The following GCC2 variants were observed in gnomAD, a reference collection of about 807,000 sequenced individuals.
GCC2 encodes GRIP and coiled-coil domain-containing protein 2.
In GCC2, 120 loss-of-function variants were observed where a neutral mutation model predicts 210.6. The observed-to-expected ratio is 0.57, with a 90% CI of 0.49 to 0.66. GCC2 has a LOEUF of 0.66. GCC2 is among the 30% of genes least tolerant of loss of function. The pLI is 0.00. For missense variants in GCC2, 1,868 were observed against 1,871.9 expected (o/e 1.00, Z 0.04); for synonymous variants, 703 against 652.7 (o/e 1.08, Z -1.17).
At chr2:108,481,849 A>C (rs776047247) in intron 10 of GCC2, 33 bp downstream of exon 10, 1 of 1,440,110 alleles carries the variant, frequency 6.9e-7, no homozygotes, top group East Asian at 2.3e-5. Context: ...AATGAAAACT[A>C]TAACAGGTAT....
intron 16 of GCC2, 150 bp downstream of exon 16, chr2:108,486,798 C>A: frequency 1.8e-6 from 1 of 546,380 alleles, no homozygotes; most frequent in Non-Finnish European, 2.9e-6. Flanking sequence ...CTGGCTTTAA[C>A]CCCAATCCCA....
chr2:108,496,918 T>G (rs1179966135), intron 20 of GCC2, 52 bp from the exon 21 acceptor site: 1 of 1,607,784 alleles, frequency 6.2e-7, no homozygotes, highest in Non-Finnish European at 8.5e-7. Flanking sequence ...TTTAGAATCT[T>G]CATCTTTAAT....
chr2:108,495,259 C>G (rs1682591322), intron 19 of GCC2, 32 bp from the exon 20 acceptor site: 1 of 1,434,740 alleles, frequency 7.0e-7, no homozygotes, highest in Non-Finnish European at 9.6e-7. Flanking sequence ...TTTGAACAAT[C>G]TCACACTTAA....
intron 4 of GCC2, among the ~76,000 whole-genome samples, chr2:108,465,931 C>T (rs1680858342): frequency 6.6e-6 from 1 of 152,090 alleles, no homozygotes; most frequent in South Asian, 2.1e-4. Flanking sequence ...CTCGGCTCAC[C>T]GCAACCTCTG....
rs1682508791 is a variant in GCC2, at chr2:108,493,583, T to C, written c.4447+793T>C. The C allele has an allele frequency of 3.0e-6, 3 of 985,352 alleles. No homozygotes were observed. The African/African-American group carries it at 5.2e-5, about 17-fold the overall frequency. The allele number at this position is 985,352 out of a possible 1,614,324, so 61.0% of individuals were successfully genotyped here. On this transcript the variant is annotated intron_variant, in intron 19 of 22. Transcript: ENST00000309863. ...TCACATTTACAATTAGTTGGAGTTT[T>C]AGTTCAGCCACACCCAGTATCTTCC... is the stretch of plus-strand genomic sequence containing the variant.
In GCC2 at chr2:108,476,341, C is replaced by T. The variant is rs144110610; in HGVS notation, c.3060+491C>T. 3.7e-3 allele frequency among the ~76,000 whole-genome samples: 566 copies of T among 152,002 alleles called. 4 individuals carry two copies. Among genetic ancestry groups the T allele is most frequent in the African/African-American group, 0.013 (534 of 41,482 alleles). ...CCAAAGTGCTGGGATTACAGGCATG[C>T]GCCACCACACCTGGCCTAAATAGTG... On this transcript the variant is annotated intron_variant, in intron 9 of 22. Coordinates refer to ENST00000309863, the MANE Select transcript of GCC2 (RefSeq NM_181453.4).
In GCC2 at chr2:108,485,819, C is replaced by G; in HGVS notation, c.3715-12C>G. On this transcript the variant is annotated splice_polypyrimidine_tract_variant and intron_variant, in intron 14 of 22. Transcript: ENST00000309863. The stretch of plus-strand genomic sequence containing the variant: ...CATTAAAAAAAATTTAACCAAGATT[C>G]TCATTCTATAGGAAACTGATCACTT... 6.5e-7 allele frequency: 1 copy of G among 1,536,578 alleles called. No individual in the cohort carries two copies. The highest frequency in any genetic ancestry group is 8.8e-7 in the Non-Finnish European group (1 of 1,131,186).
At chr2:108,493,340 G>A (rs1335397675) in intron 19 of GCC2, 6 of 818,420 alleles carry the variant, frequency 7.3e-6, no homozygotes, top group African/African-American at 1.9e-5. Context: ...CACCCGCCTC[G>A]GCCTCCCAAA....
At chr2:108,497,164 C>T in intron 21 of GCC2, 55 bp downstream of exon 21, 1 of 1,610,916 alleles carries the variant, frequency 6.2e-7, no homozygotes, top group South Asian at 1.1e-5. Context: ...TTTCTTGACC[C>T]TCCATACACA....
chr2:108,461,998 A>AT (rs1680613875), intron 4 of GCC2, among the ~76,000 whole-genome samples: 1 of 111,440 alleles, frequency 9.0e-6, no homozygotes, highest in Non-Finnish European at 1.9e-5. Flanking sequence ...GCCCCCAGCT[A>AT]ATTTTTTTTT....
chr2:108,478,938 A>G (rs974954415), intron 9 of GCC2, among the ~76,000 whole-genome samples: 9 of 152,164 alleles, frequency 5.9e-5, no homozygotes, highest in Non-Finnish European at 1.0e-4. Flanking sequence ...ATAAACATAG[A>G]AAAACATACT....
At chr2:108,502,412 A>G (rs1010662954) in intron 22 of GCC2, among the ~76,000 whole-genome samples, 5 of 152,212 alleles carry the variant, frequency 3.3e-5, no homozygotes, top group Non-Finnish European at 5.9e-5. Context: ...GATATTTTTA[A>G]AGAATTTCAT....
chr2:108,491,370 C>T (rs1401744664), intron 18 of GCC2, among the ~76,000 whole-genome samples: 4 of 152,214 alleles, frequency 2.6e-5, no homozygotes, highest in East Asian at 1.9e-4. Flanking sequence ...TTGTAACCTC[C>T]GATGGTTCTT....
At chr2:108,478,740 G>T (rs1396047150) in intron 9 of GCC2, among the ~76,000 whole-genome samples, 1 of 152,192 alleles carries the variant, frequency 6.6e-6, no homozygotes, top group Non-Finnish European at 1.5e-5. Flanking sequence ...ATTGACAGCA[G>T]TTGGAACCAG....
intron 4 of GCC2, among the ~76,000 whole-genome samples, chr2:108,463,823 G>A (rs551048618): frequency 1.3e-5 from 2 of 152,282 alleles, no homozygotes; most frequent in South Asian, 2.1e-4. Context: ...CATTGGTTTT[G>A]GCAGTGACTG....
At chr2:108,487,580 A>G (rs911970863) in intron 16 of GCC2, 119 bp from the exon 17 acceptor site, 2 of 927,492 alleles carry the variant, frequency 2.2e-6, no homozygotes, top group African/African-American at 1.7e-5. Flanking sequence ...ACCAAAAAGA[A>G]TGTCAGCCAT....
intron 3 of GCC2, among the ~76,000 whole-genome samples, chr2:108,451,842 T>TCTCTCC (rs1491461412): frequency 1.3e-4 from 6 of 44,546 alleles, no homozygotes; most frequent in African/African-American, 4.1e-4. Flanking sequence ...TCTCTCTCTC[T>TCTCTCC]TTTTTTTTTT....
intron 4 of GCC2, among the ~76,000 whole-genome samples, chr2:108,457,626 T>A (rs999462526): frequency 1.3e-5 from 2 of 152,230 alleles, no homozygotes; most frequent in Non-Finnish European, 2.9e-5. Flanking sequence ...TCTTCCTGCT[T>A]ATTTGTGTTC....
Position 108,475,644 on chromosome 2 carries a change from A to G in GCC2, c.2961+9A>G, listed in dbSNP as rs1038473881. The G allele has an allele frequency of 3.3e-6, 5 of 1,512,560 alleles. No individual in the cohort carries two copies. In the African/African-American group the frequency reaches 5.6e-5, roughly 17 times the overall value. The allele number at this position is 1,512,560 out of a possible 1,614,324, so 93.7% of individuals were successfully genotyped here. On this transcript the variant is annotated intron_variant, in intron 8 of 22. Coordinates refer to ENST00000309863, the MANE Select transcript of GCC2 (RefSeq NM_181453.4). Reference sequence around the variant, plus strand: ...ATTCCAGCAGAAAAGAGGTGAGCTGACTTTAAAAATGTAAGATTCCGGAAT... The same window carrying G: ...ATTCCAGCAGAAAAGAGGTGAGCTGGCTTTAAAAATGTAAGATTCCGGAAT...
Sources: gnomAD v4.1 joint callset for allele counts (sites outside exome capture counted in the v4.1 genomes callset) on GRCh38, gnomAD v4.1.1 for gene constraint, MANE v1.5 for transcripts, NCBI Gene and HGNC (gene_info 2026-07-23, HGNC 2026-07-21) for gene names.